Variants in XPNPEP1 observed in about 807,000 individuals in gnomAD.
The protein encoded by XPNPEP1 is X-prolyl aminopeptidase 1.
Under a neutral mutation model 92.4 loss-of-function variants are expected in XPNPEP1, and 39 were observed. The observed-to-expected ratio is 0.42, with a 90% CI of 0.33 to 0.55. The LOEUF (loss-of-function observed/expected upper bound fraction) is 0.55, where lower values mean the gene tolerates loss of function less well. Ranked by LOEUF, XPNPEP1 falls within the 20% of genes least tolerant of loss-of-function variation. The pLI is 0.08. For missense variants in XPNPEP1, 654 were observed against 856.1 expected, an observed-to-expected ratio of 0.76 and a Z score of 2.95; for synonymous variants, 307 against 299.4, an observed-to-expected ratio of 1.03 and a Z score of -0.26.
At chr10:109,915,196 A>G in intron 1 of XPNPEP1, 97 bp from the exon 2 acceptor site, 1 of 577,524 alleles carries the variant, frequency 1.7e-6, no homozygotes, top group Non-Finnish European at 2.7e-6. Context: ...GCAGTTCTCT[A>G]ACATGAGTCA....
At chr10:109,896,184 C>G (rs2133467100) in intron 3 of XPNPEP1, among the ~76,000 whole-genome samples, 1 of 152,268 alleles carries the variant, frequency 6.6e-6, no homozygotes, top group African/African-American at 2.4e-5. Context: ...ATCACCTCTA[C>G]AGAGAGGCCT....
chr10:109,907,610 T>G (rs1589620114), intron 3 of XPNPEP1, 81 bp downstream of exon 3: 16 of 1,582,288 alleles, frequency 1.0e-5, no homozygotes, highest in Admixed American at 3.5e-5. Flanking sequence ...GGTTGTGGGT[T>G]GACAATTAGA....
At chr10:109,871,534 C>T (rs183865120) in intron 17 of XPNPEP1, among the ~76,000 whole-genome samples, 19 of 152,292 alleles carry the variant, frequency 1.2e-4, no homozygotes, top group African/African-American at 4.3e-4. Context: ...GGGAGCCATC[C>T]ACATGTGTCA....
intron 3 of XPNPEP1, among the ~76,000 whole-genome samples, chr10:109,903,838 G>C (rs1849413262): frequency 6.6e-6 from 1 of 151,080 alleles, no homozygotes; most frequent in African/African-American, 2.4e-5. Flanking sequence ...ATATGAAGTT[G>C]GTCAATCTTT....
At chr10:109,917,216 A>G (rs190176812) in intron 1 of XPNPEP1, among the ~76,000 whole-genome samples, 1 of 152,332 alleles carries the variant, frequency 6.6e-6, no homozygotes, top group Non-Finnish European at 1.5e-5. Flanking sequence ...CAATTGACAT[A>G]ATCTTGAATA....
intron 1 of XPNPEP1, among the ~76,000 whole-genome samples, chr10:109,915,816 G>A (rs1377258697): frequency 6.6e-6 from 1 of 152,250 alleles, no homozygotes; most frequent in African/African-American, 2.4e-5. Context: ...TCTGCATCTG[G>A]TAACTTTCCC....
chr10:109,887,215 C>T (rs893833041), intron 7 of XPNPEP1, among the ~76,000 whole-genome samples: 1 of 152,202 alleles, frequency 6.6e-6, no homozygotes, highest in Non-Finnish European at 1.5e-5. Flanking sequence ...GTGAAAAAAA[C>T]TTCAAACCAC....
At chr10:109,875,900 C>A (rs1434103433) in intron 14 of XPNPEP1, 1 of 254,092 alleles carries the variant, frequency 3.9e-6, no homozygotes, top group African/African-American at 2.3e-5. Context: ...AGAGATAATT[C>A]TAAAAGCTAA....
At chr10:109,869,599 A>G (rs1847331983) in intron 19 of XPNPEP1, among the ~76,000 whole-genome samples, 1 of 152,194 alleles carries the variant, frequency 6.6e-6, no homozygotes, top group African/African-American at 2.4e-5. Context: ...CTAGCAGAAG[A>G]GACAACAGGC....
intron 3 of XPNPEP1, among the ~76,000 whole-genome samples, chr10:109,901,688 T>C (rs1181073545): frequency 6.6e-6 from 1 of 152,214 alleles, no homozygotes; most frequent in Non-Finnish European, 1.5e-5. Context: ...TAAATTGAAA[T>C]ACAAATTTAA....
Position 109,870,672 on chromosome 10 carries a change from G to T in XPNPEP1, c.1696+59C>A, listed in dbSNP as rs567123528. 1,700 of 1,528,288 alleles carry T rather than the reference G, an allele frequency of 1.1e-3. 2 individuals carry two copies. Among genetic ancestry groups the T allele is most frequent in the Non-Finnish European group, 1.4e-3 (1,593 of 1,136,680 alleles). 94.7% of individuals were successfully genotyped at this position (1,528,288 alleles called of 1,614,324 possible). A position where few individuals can be genotyped will look rare whatever the true frequency, so the allele number is the denominator to read the frequency against. On this transcript the variant is annotated intron_variant, in intron 18 of 20. Transcript: ENST00000502935. ...AACTAATTAAAAAATACAAAACAACGAATAGCTTTCAAAAAGGCTCAAGGA... is the reference window on the plus strand; with the variant it reads ...AACTAATTAAAAAATACAAAACAACTAATAGCTTTCAAAAAGGCTCAAGGA...
chr10:109,876,679 AG>A (rs1215113098), intron 14 of XPNPEP1: 1 of 152,268 alleles, frequency 6.6e-6, no homozygotes, highest in Non-Finnish European at 1.5e-5. Flanking sequence ...CAAGACTAAA[AG>A]CTCTAAAAAC....
chr10:109,904,465 T>TCC (rs1849449106), intron 3 of XPNPEP1, among the ~76,000 whole-genome samples: 7 of 151,862 alleles, frequency 4.6e-5, no homozygotes, highest in Admixed American at 3.9e-4. Context: ...CACTAGAGTC[T>TCC]CCCACCCCGC....
At chr10:109,905,093 A>C (rs1000046369) in intron 3 of XPNPEP1, among the ~76,000 whole-genome samples, 2 of 152,226 alleles carry the variant, frequency 1.3e-5, no homozygotes, top group African/African-American at 4.8e-5. Context: ...AAAAGAAAGA[A>C]ATCCTGTCAT....
intron 1 of XPNPEP1, among the ~76,000 whole-genome samples, chr10:109,918,994 A>G (rs1287091737): frequency 6.6e-6 from 1 of 152,144 alleles, no homozygotes. Context: ...AAAAAAAATT[A>G]ACCCAAATGG....
rs1016530139 is a variant in XPNPEP1 at position 109,922,462 on chromosome 10, G to T, written c.32+940C>A. Among the ~76,000 whole-genome samples the T allele has an allele frequency of 5.3e-5, 8 of 152,292 alleles. No individual in the cohort carries two copies. The East Asian group carries it at 1.5e-3, about 29-fold the overall frequency. ...CCCTCCCACATACTTCCACAGGGTG[G>T]GTCTGGTTTTCTGCTCACCCTTAAC... On this transcript the variant is annotated intron_variant, in intron 1 of 20. Coordinates refer to ENST00000502935, the MANE Select transcript of XPNPEP1 (RefSeq NM_020383.4).
chr10:109,884,226 T>A, intron 8 of XPNPEP1, 78 bp from the exon 9 acceptor site: 1 of 1,405,982 alleles, frequency 7.1e-7, no homozygotes, highest in Non-Finnish European at 9.9e-7. Context: ...AGGGAAGAGC[T>A]TCAGCTTGGA....
intron 9 of XPNPEP1, 44 bp from the exon 10 acceptor site, chr10:109,882,686 T>C (rs1209020817): frequency 9.4e-6 from 15 of 1,603,000 alleles, no homozygotes; most frequent in Non-Finnish European, 1.2e-5. Context: ...GGAGGGAACA[T>C]GAGTGAGAGG....
chr10:109,882,639 G>A lies in XPNPEP1; in HGVS notation c.834C>T (p.Leu278=). 2 of 1,614,128 alleles carry A rather than the reference G, an allele frequency of 1.2e-6. No homozygotes were observed. Among genetic ancestry groups the A allele is most frequent in the Non-Finnish European group, 1.7e-6 (2 of 1,179,968 alleles). Residue 278 remains leucine, a synonymous_variant, in exon 10 of 21, where the codon CTC becomes CTT. Transcript: ENST00000502935. ...YAIIGLETIM[L]FIDGDRIDAP... The stretch of plus-strand genomic sequence containing the variant: ...CGTCTATGCGGTCACCATCAATGAA[G>A]AGCCTGCAGATGGAGGAGAGGTGGG...
Sources: allele counts gnomAD v4.1 joint callset (sites outside exome capture counted in the v4.1 genomes callset), GRCh38; gene constraint gnomAD v4.1.1; transcripts MANE v1.5; gene names NCBI Gene and HGNC (gene_info 2026-07-23, HGNC 2026-07-21).